ATG5: variants seen among roughly 807,000 people sequenced by gnomAD.
ATG5 encodes the protein autophagy related 5, also known as autophagy protein 5.
A neutral mutation model predicts 36.5 loss-of-function variants in ATG5; 14 were observed. That is an observed-to-expected ratio of 0.38 (90% CI 0.25 to 0.60). The LOEUF is 0.60. Ranked by LOEUF, ATG5 falls within the 20% of genes least tolerant of loss-of-function variation. The pLI is 0.60. For missense variants in ATG5, 195 were observed against 326.7 expected, an observed-to-expected ratio of 0.60 and a Z score of 3.11; for synonymous variants, 95 against 101.5, an observed-to-expected ratio of 0.94 and a Z score of 0.38.
At chr6:106,227,311 T>TG (rs1161039803) in intron 6 of ATG5, among the ~76,000 whole-genome samples, 1 of 152,156 alleles carries the variant, frequency 6.6e-6, no homozygotes. Flanking sequence ...GTAGAATGTC[T>TG]GGGACCTGGA....
intron 5 of ATG5, among the ~76,000 whole-genome samples, chr6:106,259,000 TAATC>T (rs1213109306): frequency 7.5e-6 from 1 of 133,078 alleles, no homozygotes; most frequent in Non-Finnish European, 1.6e-5. Flanking sequence ...GGCATTGTGA[TAATC>T]AATTGAAAAT....
chr6:106,312,514 G>A (rs1376972464), intron 2 of ATG5, among the ~76,000 whole-genome samples: 1 of 151,622 alleles, frequency 6.6e-6, no homozygotes, highest in Non-Finnish European at 1.5e-5. Flanking sequence ...ACATAAAAAT[G>A]GACAAGAACT....
At chr6:106,262,184 T>G (rs550643116) in intron 5 of ATG5, among the ~76,000 whole-genome samples, 1 of 152,350 alleles carries the variant, frequency 6.6e-6, no homozygotes, top group Admixed American at 6.5e-5. Flanking sequence ...GTGATTCTCC[T>G]GCCTCAGCCT....
intron 3 of ATG5, among the ~76,000 whole-genome samples, chr6:106,300,016 A>C (rs1433444775): frequency 3.3e-5 from 5 of 152,210 alleles, no homozygotes; most frequent in African/African-American, 1.2e-4. Context: ...ACAAACACAA[A>C]CAACTATAGA....
chr6:106,306,249 C>G lies in ATG5; in HGVS notation c.236+2115G>C, dbSNP rs568580134. ...TTTGCAGTGACAAGGAGAAATGGGT[C>G]CAAACACTATTTACCCATAAACCTA... is the stretch of plus-strand genomic sequence containing the variant. On this transcript the variant is annotated intron_variant, in intron 3 of 7. Transcript: ENST00000369076. Among the ~76,000 whole-genome samples, 5 of 152,174 alleles carry G rather than the reference C, an allele frequency of 3.3e-5. No individual in the cohort carries two copies. The East Asian group carries it at 9.6e-4, about 29-fold the overall frequency.
chr6:106,262,121 G>A (rs560166162), intron 5 of ATG5, among the ~76,000 whole-genome samples: 1 of 152,198 alleles, frequency 6.6e-6, no homozygotes, highest in East Asian at 1.9e-4. Flanking sequence ...CACCCAGGCT[G>A]GAGTGCAGTG....
chr6:106,232,955 G>C (rs892825336), intron 6 of ATG5, among the ~76,000 whole-genome samples: 1 of 152,152 alleles, frequency 6.6e-6, no homozygotes, highest in African/African-American at 2.4e-5. Flanking sequence ...TTCACCCCAA[G>C]GGTTCAGGGA....
intron 5 of ATG5, among the ~76,000 whole-genome samples, chr6:106,273,789 C>T (rs1026346756): frequency 1.3e-5 from 2 of 152,120 alleles, no homozygotes; most frequent in Non-Finnish European, 2.9e-5. Flanking sequence ...CAATGACAAC[C>T]CACCAGTCTA....
chr6:106,188,878 T>C (rs1229005367), intron 7 of ATG5, among the ~76,000 whole-genome samples: 3 of 152,216 alleles, frequency 2.0e-5, no homozygotes, highest in Non-Finnish European at 4.4e-5. Flanking sequence ...TGCCTACATA[T>C]GTCCAAATAT....
At chr6:106,302,184 A>G (rs1160061460) in intron 3 of ATG5, among the ~76,000 whole-genome samples, 1 of 152,100 alleles carries the variant, frequency 6.6e-6, no homozygotes, top group Non-Finnish European at 1.5e-5. Context: ...TGAATGAATA[A>G]TTAATTACAA....
chr6:106,270,889 TAAC>T (rs556830777), intron 5 of ATG5, among the ~76,000 whole-genome samples: 140 of 152,272 alleles, frequency 9.2e-4, no homozygotes, highest in African/African-American at 3.1e-3. Context: ...ACATCCAGCC[TAAC>T]AACAGGCTCT....
chr6:106,278,678 T>C (rs972051042), intron 5 of ATG5, among the ~76,000 whole-genome samples: 2 of 152,236 alleles, frequency 1.3e-5, no homozygotes, highest in East Asian at 1.9e-4. Flanking sequence ...GTTTGTTTCT[T>C]TGTTGGATTT....
intron 6 of ATG5, among the ~76,000 whole-genome samples, chr6:106,246,355 TTCTC>T (rs1172601094): frequency 7.8e-6 from 1 of 128,062 alleles, no homozygotes; most frequent in Non-Finnish European, 1.7e-5. Context: ...ATAAAAACCA[TTCTC>T]TCTCTGTCTC....
At chr6:106,245,032 T>C (rs899946393) in intron 6 of ATG5, among the ~76,000 whole-genome samples, 1 of 152,222 alleles carries the variant, frequency 6.6e-6, no homozygotes, top group Non-Finnish European at 1.5e-5. Flanking sequence ...CTGTAACATT[T>C]CCTGCACTTA....
At chr6:106,255,165 C>A (rs538386838) in intron 5 of ATG5, among the ~76,000 whole-genome samples, 7 of 152,332 alleles carry the variant, frequency 4.6e-5, no homozygotes, top group Non-Finnish European at 8.8e-5. Context: ...GGGCCAACAT[C>A]TGAGGAGTCC....
At chr6:106,297,749 CACACACACACACACACAT>C (rs1392586859) in intron 3 of ATG5, among the ~76,000 whole-genome samples, 166 of 140,806 alleles carry the variant, frequency 1.2e-3, no homozygotes, top group Middle Eastern at 3.7e-3. Flanking sequence ...CACACACACA[CACACACACACACACACAT>C]ATATATTTTA....
chr6:106,298,246 A>G (rs1770055606), intron 3 of ATG5, among the ~76,000 whole-genome samples: 1 of 152,102 alleles, frequency 6.6e-6, no homozygotes, highest in Non-Finnish European at 1.5e-5. Flanking sequence ...GTCATGGGCC[A>G]CTGCACCCAG....
At chr6:106,267,040 AG>A (rs1779253097) in intron 5 of ATG5, among the ~76,000 whole-genome samples, 1 of 152,330 alleles carries the variant, frequency 6.6e-6, no homozygotes, top group East Asian at 1.9e-4. Flanking sequence ...GTATTCAAAT[AG>A]GAAGTCTAAT....
At chr6:106,259,996 A>T (rs1414847396) in intron 5 of ATG5, among the ~76,000 whole-genome samples, 2 of 152,156 alleles carry the variant, frequency 1.3e-5, no homozygotes, top group Admixed American at 6.5e-5. Flanking sequence ...TTCTCAGCAA[A>T]CTATCACAAG....
Sources: gnomAD v4.1 joint callset for allele counts (sites outside exome capture counted in the v4.1 genomes callset) on GRCh38, gnomAD v4.1.1 for gene constraint, MANE v1.5 for transcripts, NCBI Gene and HGNC (gene_info 2026-07-23, HGNC 2026-07-21) for gene names.